The following GRIA2 variants were observed in gnomAD, a reference collection of about 807,000 sequenced individuals.
GRIA2 encodes glutamate receptor 2.
GRIA2 carries 14 observed loss-of-function variants against 97.3 expected under a neutral mutation model. That is an observed-to-expected ratio of 0.14 (90% CI 0.10 to 0.23). The LOEUF is 0.23. Ranked by LOEUF, GRIA2 falls within the 10% of genes least tolerant of loss-of-function variation. The pLI is 1.00. For synonymous variants in GRIA2, 412 were observed against 387.8 expected, an observed-to-expected ratio of 1.06 and a Z score of -0.73; for missense variants, 558 against 1,069.8, an observed-to-expected ratio of 0.52 and a Z score of 6.67.
intron 12 of GRIA2, among the ~76,000 whole-genome samples, chr4:157,355,947 ATATTTATATATTTATG>A (rs1736304814): frequency 2.6e-4 from 1 of 3,906 alleles, no homozygotes; most frequent in African/African-American, 4.6e-4. Context: ...ATATTAATAT[ATATTTATATATTTATG>A]TATATTAATA....
intron 11 of GRIA2, 130 bp downstream of exon 11, chr4:157,336,877 G>A: frequency 1.3e-6 from 1 of 759,570 alleles, no homozygotes; most frequent in Middle Eastern, 3.9e-4. Flanking sequence ...ACTCTTGAAG[G>A]ACATCCTCTT....
At chr4:157,253,444 A>C (rs2126747407) in intron 2 of GRIA2, among the ~76,000 whole-genome samples, 1 of 152,164 alleles carries the variant, frequency 6.6e-6, no homozygotes, top group South Asian at 2.1e-4. Flanking sequence ...AAAATACAGT[A>C]AGTGGGAATA....
At chr4:157,281,602 T>A (rs930728592) in intron 2 of GRIA2, among the ~76,000 whole-genome samples, 1 of 152,156 alleles carries the variant, frequency 6.6e-6, no homozygotes, top group African/African-American at 2.4e-5. Context: ...CTTAATATTT[T>A]GTAAATATTA....
chr4:157,273,646 C>T (rs1325011039), intron 2 of GRIA2, among the ~76,000 whole-genome samples: 2 of 151,878 alleles, frequency 1.3e-5, no homozygotes, highest in African/African-American at 2.4e-5. Flanking sequence ...AATATCTGAA[C>T]TTAAGGTTAT....
intron 6 of GRIA2, among the ~76,000 whole-genome samples, chr4:157,329,024 G>A (rs1734930554): frequency 6.6e-6 from 1 of 151,888 alleles, no homozygotes; most frequent in Non-Finnish European, 1.5e-5. Context: ...ATGCTTTACA[G>A]TAAATTAAAG....
intron 12 of GRIA2, among the ~76,000 whole-genome samples, chr4:157,352,727 A>G (rs1736066396): frequency 6.6e-6 from 1 of 150,442 alleles, no homozygotes. Flanking sequence ...CTAAAAAAAA[A>G]AAAAAAAAAA....
At position 157,361,132 on chromosome 4, in the gene GRIA2, C is replaced by T. The variant is rs375232416; in HGVS notation, c.2406+8C>T. On this transcript the variant is annotated splice_region_variant and intron_variant, in intron 14 of 15. Coordinates refer to ENST00000264426, the MANE Select transcript of GRIA2 (RefSeq NM_001083619.3). This position sits in a 1 kb window ranked among gnomAD's most constrained non-coding sequence, Gnocchi z 5.2. The stretch of plus-strand genomic sequence containing the variant: ...GGGGGAGGTGATTCCAAGGTCAGCC[C>T]CAGTGAGAAAAGTAATGGGTAACTC... 1.3e-5 allele frequency: 21 copies of T among 1,588,208 alleles called. No homozygotes were observed. Among genetic ancestry groups the T allele is most frequent in the Non-Finnish European group, 1.8e-5 (21 of 1,156,828 alleles).
intron 2 of GRIA2, among the ~76,000 whole-genome samples, chr4:157,235,696 G>T (rs544306479): frequency 6.6e-6 from 1 of 151,670 alleles, no homozygotes; most frequent in African/African-American, 2.4e-5. Flanking sequence ...TCAATTTTTC[G>T]CATCATATTT....
At chr4:157,311,917 T>A (rs945727346) in intron 3 of GRIA2, among the ~76,000 whole-genome samples, 2 of 151,936 alleles carry the variant, frequency 1.3e-5, no homozygotes, top group Non-Finnish European at 2.9e-5. Flanking sequence ...TATGAGGTAA[T>A]ATATGGACAA....
chr4:157,303,444 T>C, intron 2 of GRIA2, 108 bp from the exon 3 acceptor site: 1 of 826,696 alleles, frequency 1.2e-6, no homozygotes, highest in Non-Finnish European at 1.9e-6. Context: ...TTTCTTTCAA[T>C]ATGTTAATTT....
chr4:157,281,504 T>A (rs1217307910), intron 2 of GRIA2, among the ~76,000 whole-genome samples: 1 of 152,164 alleles, frequency 6.6e-6, no homozygotes, highest in Non-Finnish European at 1.5e-5. Context: ...ATGGTTTTAT[T>A]TGGGGCTCAT....
chr4:157,354,894 T>A (rs1736179351), intron 12 of GRIA2, among the ~76,000 whole-genome samples: 2 of 152,120 alleles, frequency 1.3e-5, no homozygotes, highest in South Asian at 4.1e-4. Flanking sequence ...GCATTTTAAG[T>A]CTTCCCCCCT....
chr4:157,298,027 C>A (rs1579342237), intron 2 of GRIA2, among the ~76,000 whole-genome samples: 1 of 151,412 alleles, frequency 6.6e-6, no homozygotes, highest in South Asian at 2.1e-4. Flanking sequence ...GGGATGAGAC[C>A]GCTAAAAGAT....
At chr4:157,259,060 A>G (rs1731411153) in intron 2 of GRIA2, among the ~76,000 whole-genome samples, 1 of 151,922 alleles carries the variant, frequency 6.6e-6, no homozygotes, top group South Asian at 2.1e-4. Flanking sequence ...CATCTCTACA[A>G]AAATATAAAA....
intron 2 of GRIA2, among the ~76,000 whole-genome samples, chr4:157,262,085 T>G: frequency 6.6e-6 from 1 of 152,226 alleles, no homozygotes; most frequent in South Asian, 2.1e-4. Flanking sequence ...AATTTTTTAA[T>G]GACCAAAATT....
chr4:157,266,040 A>G (rs1731753549), intron 2 of GRIA2, among the ~76,000 whole-genome samples: 1 of 152,102 alleles, frequency 6.6e-6, no homozygotes, highest in African/African-American at 2.4e-5. Flanking sequence ...GGTAGCAGAA[A>G]GCAAGGATCT....
intron 2 of GRIA2, among the ~76,000 whole-genome samples, chr4:157,223,158 A>C (rs572073670): frequency 6.6e-6 from 1 of 152,152 alleles, no homozygotes; most frequent in African/African-American, 2.4e-5. Context: ...AGCTTTAGTC[A>C]TATATTCCGT....
intron 12 of GRIA2, among the ~76,000 whole-genome samples, chr4:157,354,473 G>C (rs912749358): frequency 3.9e-5 from 6 of 152,024 alleles, no homozygotes; most frequent in African/African-American, 1.5e-4. Context: ...ATTATTAGTT[G>C]GACTGATATG....
At chr4:157,313,277 G>C (rs1235158105) in intron 4 of GRIA2, among the ~76,000 whole-genome samples, 1 of 151,960 alleles carries the variant, frequency 6.6e-6, no homozygotes, top group Non-Finnish European at 1.5e-5. Flanking sequence ...GAAATTTTTG[G>C]AGTTACATAG....
Sources: gnomAD v4.1 joint callset for allele counts (sites outside exome capture counted in the v4.1 genomes callset) on GRCh38, gnomAD v4.1.1 for gene constraint, Gnocchi (gnomAD v3.1) non-coding constraint, MANE v1.5 for transcripts, NCBI Gene and HGNC (gene_info 2026-07-23, HGNC 2026-07-21) for gene names.